GRIA1: variants seen among roughly 807,000 people sequenced by gnomAD.
GRIA1 encodes glutamate ionotropic receptor AMPA type subunit 1.
A neutral mutation model predicts 99.2 loss-of-function variants in GRIA1; 31 were observed. The ratio of observed to expected loss-of-function variants is 0.31; its 90% CI spans 0.23 to 0.42. The LOEUF (loss-of-function observed/expected upper bound fraction) is 0.42, where lower values mean the gene tolerates loss of function less well. GRIA1 is among the 10% of genes least tolerant of loss of function. The pLI, the probability that GRIA1 is intolerant of heterozygous loss-of-function variation, is 1.00. For synonymous variants in GRIA1, 438 were observed against 432.4 expected (o/e 1.01, Z -0.16); for missense variants, 782 against 1,157.5 (o/e 0.68, Z 4.71).
intron 2 of GRIA1, among the ~76,000 whole-genome samples, chr5:153,609,516 T>A (rs568221125): frequency 2.4e-4 from 37 of 151,828 alleles, no homozygotes; most frequent in Admixed American, 1.4e-3. Context: ...TCATTCACCT[T>A]AGCCCAGTGA....
intron 7 of GRIA1, among the ~76,000 whole-genome samples, chr5:153,679,048 T>C (rs983768731): frequency 1.3e-5 from 2 of 152,206 alleles, no homozygotes; most frequent in African/African-American, 4.8e-5. Flanking sequence ...CTGCCCTCAG[T>C]AGGGTTTGAA....
At chr5:153,567,621 A>C (rs2149359354) in intron 2 of GRIA1, among the ~76,000 whole-genome samples, 1 of 152,300 alleles carries the variant, frequency 6.6e-6, no homozygotes, top group South Asian at 2.1e-4. Flanking sequence ...GAGAAAAATC[A>C]CTCTCAATTG....
At chr5:153,791,967 T>G (rs1204375467) in intron 13 of GRIA1, among the ~76,000 whole-genome samples, 1 of 151,486 alleles carries the variant, frequency 6.6e-6, no homozygotes, top group Non-Finnish European at 1.5e-5. Flanking sequence ...ACTCCCACAC[T>G]GCATGGACTA....
chr5:153,650,129 C>G (rs1215965851), intron 3 of GRIA1, among the ~76,000 whole-genome samples: 1 of 152,204 alleles, frequency 6.6e-6, no homozygotes, highest in East Asian at 1.9e-4. Context: ...GTTTTTTAAT[C>G]ACTAGTTCTA....
chr5:153,576,541 T>G (rs1762543357), intron 2 of GRIA1, among the ~76,000 whole-genome samples: 1 of 152,220 alleles, frequency 6.6e-6, no homozygotes, highest in African/African-American at 2.4e-5. Context: ...CTGAATTGTT[T>G]CCCTGCGGAG....
intron 2 of GRIA1, among the ~76,000 whole-genome samples, chr5:153,622,949 A>G (rs1340513807): frequency 6.6e-6 from 1 of 152,230 alleles, no homozygotes; most frequent in East Asian, 1.9e-4. Flanking sequence ...TCTCAAAGGA[A>G]GAAATGTATA....
chr5:153,528,609 C>T (rs1757822089), intron 2 of GRIA1, among the ~76,000 whole-genome samples: 1 of 152,200 alleles, frequency 6.6e-6, no homozygotes, highest in South Asian at 2.1e-4. Flanking sequence ...CCAGGGACCA[C>T]CTTTTGAGAA....
chr5:153,809,775 G>C (rs1360142695), intron 15 of GRIA1, among the ~76,000 whole-genome samples: 1 of 152,206 alleles, frequency 6.6e-6, no homozygotes, highest in Non-Finnish European at 1.5e-5. Context: ...TACACTGGAG[G>C]CAGAACCATT....
At chr5:153,653,074 G>A (rs1192178169) in intron 4 of GRIA1, among the ~76,000 whole-genome samples, 3 of 152,118 alleles carry the variant, frequency 2.0e-5, no homozygotes, top group South Asian at 4.1e-4. Context: ...ATCTAAGCTC[G>A]ACGATGCCAG....
intron 2 of GRIA1, among the ~76,000 whole-genome samples, chr5:153,541,949 A>C (rs1419145429): frequency 2.7e-5 from 4 of 147,542 alleles, no homozygotes; most frequent in Non-Finnish European, 5.9e-5. Flanking sequence ...AAAAAAAAAA[A>C]AAACAAGAAA....
chr5:153,680,021 A>C (rs1271003374), intron 7 of GRIA1, among the ~76,000 whole-genome samples: 1 of 152,206 alleles, frequency 6.6e-6, no homozygotes, highest in Non-Finnish European at 1.5e-5. Flanking sequence ...TAAATGGAGA[A>C]GCCGAGCTTC....
At chr5:153,617,068 GC>G (rs1446410708) in intron 2 of GRIA1, among the ~76,000 whole-genome samples, 1 of 152,180 alleles carries the variant, frequency 6.6e-6, no homozygotes, top group Non-Finnish European at 1.5e-5. Flanking sequence ...ATTTCAGGCA[GC>G]AGGTCACTTC....
intron 2 of GRIA1, among the ~76,000 whole-genome samples, chr5:153,645,978 G>A (rs1754121754): frequency 6.6e-6 from 1 of 152,130 alleles, no homozygotes; most frequent in Non-Finnish European, 1.5e-5. Context: ...ATGGCCTTGG[G>A]GTTGGTCTCA....
At chr5:153,547,890 CAGGTATAGAGGGGCTATACT>C (rs768736318) in intron 2 of GRIA1, among the ~76,000 whole-genome samples, 9 of 152,068 alleles carry the variant, frequency 5.9e-5, no homozygotes, top group Non-Finnish European at 1.2e-4. Flanking sequence ...GACCAGGAGT[CAGGTATAGAGGGGCTATACT>C]AGGTATAGGT....
intron 4 of GRIA1, among the ~76,000 whole-genome samples, chr5:153,652,249 AAAAAGTGCCAAATGATAATGACATATT>A (rs1200384638): frequency 4.9e-4 from 74 of 152,322 alleles, no homozygotes; most frequent in African/African-American, 1.6e-3. Flanking sequence ...TAGTCGATGG[AAAAAGTGCCAAATGATAATGACATATT>A]AATAGACAGA....
At chr5:153,621,792 C>A (rs1343013181) in intron 2 of GRIA1, among the ~76,000 whole-genome samples, 1 of 152,194 alleles carries the variant, frequency 6.6e-6, no homozygotes. Flanking sequence ...AGTATCAAGT[C>A]ATTTCACTAG....
chr5:153,579,430 TGA>T (rs1171025096), intron 2 of GRIA1, among the ~76,000 whole-genome samples: 1 of 152,208 alleles, frequency 6.6e-6, no homozygotes, highest in Non-Finnish European at 1.5e-5. Context: ...TGAGTGAGGC[TGA>T]GAGTCAAGTC....
At chr5:153,551,677 C>G (rs1235080737) in intron 2 of GRIA1, among the ~76,000 whole-genome samples, 1 of 152,158 alleles carries the variant, frequency 6.6e-6, no homozygotes, top group Admixed American at 6.5e-5. Context: ...AGCCCTTTTG[C>G]TGTAGTACAT....
At chr5:153,704,562 T>A (rs1399289843) in intron 10 of GRIA1, among the ~76,000 whole-genome samples, 1 of 152,210 alleles carries the variant, frequency 6.6e-6, no homozygotes, top group African/African-American at 2.4e-5. Flanking sequence ...GGATTTGAAA[T>A]TTAAAAACTG....
Sources: gnomAD v4.1 joint callset for allele counts (sites outside exome capture counted in the v4.1 genomes callset) on GRCh38, gnomAD v4.1.1 for gene constraint, MANE v1.5 for transcripts, NCBI Gene and HGNC (gene_info 2026-07-23, HGNC 2026-07-21) for gene names.